The following PHACTR1 variants were observed in gnomAD, a reference collection of about 807,000 sequenced individuals.
PHACTR1 encodes RPEL repeat containing 1.
Under a neutral mutation model 69.2 loss-of-function variants are expected in PHACTR1, and 16 were observed. The observed-to-expected ratio is 0.23, with a 90% CI of 0.16 to 0.35. The LOEUF (loss-of-function observed/expected upper bound fraction) is 0.35, where lower values mean the gene tolerates loss of function less well. Ranked by LOEUF, PHACTR1 falls within the 10% of genes least tolerant of loss-of-function variation. The pLI is 1.00. For synonymous variants in PHACTR1, 312 were observed against 284.5 expected, an observed-to-expected ratio of 1.10 and a Z score of -0.97; for missense variants, 510 against 734.7, an observed-to-expected ratio of 0.69 and a Z score of 3.54.
intron 5 of PHACTR1, among the ~76,000 whole-genome samples, chr6:13,095,301 T>A (rs527758759): frequency 1.3e-5 from 2 of 152,338 alleles, no homozygotes; most frequent in East Asian, 3.9e-4. Flanking sequence ...GGCTATTAAT[T>A]CATAAAATAA....
chr6:13,050,858 C>T (rs1019650801), intron 4 of PHACTR1, among the ~76,000 whole-genome samples: 1 of 152,180 alleles, frequency 6.6e-6, no homozygotes, highest in Non-Finnish European at 1.5e-5. Flanking sequence ...TTCTTGCTTC[C>T]TGGTACTTTC....
At chr6:12,728,228 C>A (rs927536085) in intron 3 of PHACTR1, among the ~76,000 whole-genome samples, 2 of 151,928 alleles carry the variant, frequency 1.3e-5, no homozygotes, top group African/African-American at 4.8e-5. Context: ...CTGAGGCGGG[C>A]GGATTGCTTG....
chr6:13,110,831 G>A (rs1055823888), intron 5 of PHACTR1, among the ~76,000 whole-genome samples: 51 of 152,256 alleles, frequency 3.3e-4, no homozygotes, highest in African/African-American at 9.6e-4. Flanking sequence ...TTTTACAGTC[G>A]AAGGTCAGAT....
chr6:13,206,166 G>C (rs762447007), intron 8 of PHACTR1, 30 bp downstream of exon 8: 27 of 1,518,268 alleles, frequency 1.8e-5, no homozygotes, highest in Non-Finnish European at 1.8e-5. Flanking sequence ...GGGAGGACGG[G>C]AGGAGAGGGG....
At chr6:12,959,203 A>AAG (rs1792356573) in intron 4 of PHACTR1, among the ~76,000 whole-genome samples, 1 of 76,012 alleles carries the variant, frequency 1.3e-5, no homozygotes, top group Non-Finnish European at 2.4e-5. Flanking sequence ...AAAGAAAAGA[A>AAG]AAAAAAAAGA....
intron 4 of PHACTR1, among the ~76,000 whole-genome samples, chr6:12,905,128 G>A (rs750621206): frequency 2.6e-5 from 4 of 152,148 alleles, no homozygotes; most frequent in African/African-American, 9.7e-5. Context: ...ACCCCATGGA[G>A]CCTGGCTTAA....
chr6:12,882,710 C>G (rs546741581), intron 4 of PHACTR1, among the ~76,000 whole-genome samples: 7 of 152,292 alleles, frequency 4.6e-5, no homozygotes, highest in Middle Eastern at 3.4e-3. Flanking sequence ...CAAACCCTAT[C>G]GCCCTTCTGG....
At chr6:12,897,572 G>A (rs1033287166) in intron 4 of PHACTR1, among the ~76,000 whole-genome samples, 2 of 151,952 alleles carry the variant, frequency 1.3e-5, no homozygotes, top group African/African-American at 4.8e-5. Flanking sequence ...AATTTATAGC[G>A]TCCACTTCCT....
At chr6:13,264,475 T>A (rs1336789931) in intron 10 of PHACTR1, among the ~76,000 whole-genome samples, 14 of 152,330 alleles carry the variant, frequency 9.2e-5, no homozygotes, top group Admixed American at 2.0e-4. Context: ...TCCCAGCACT[T>A]TGGGAGGCTG....
intron 5 of PHACTR1, among the ~76,000 whole-genome samples, chr6:13,151,544 A>T (rs1480313678): frequency 6.6e-6 from 1 of 152,242 alleles, no homozygotes; most frequent in Non-Finnish European, 1.5e-5. Flanking sequence ...TTTGTATGCC[A>T]CAATGTGGGA....
At chr6:13,032,653 T>C (rs577797734) in intron 4 of PHACTR1, among the ~76,000 whole-genome samples, 1 of 152,286 alleles carries the variant, frequency 6.6e-6, no homozygotes, top group South Asian at 2.1e-4. Context: ...GGTCTAGCTC[T>C]GTTGCCAGGC....
chr6:12,748,328 G>C (rs753138322), intron 3 of PHACTR1, among the ~76,000 whole-genome samples: 5 of 152,202 alleles, frequency 3.3e-5, no homozygotes, highest in Non-Finnish European at 5.9e-5. Context: ...AGAACTGACC[G>C]CTGAAGTGGA....
At chr6:12,774,063 G>A (rs1055890096) in intron 4 of PHACTR1, among the ~76,000 whole-genome samples, 1 of 152,164 alleles carries the variant, frequency 6.6e-6, no homozygotes, top group Non-Finnish European at 1.5e-5. Flanking sequence ...ACAAATAAAG[G>A]TGTTCAACTG....
At chr6:13,193,367 A>ATATATATATATATATATG (rs1763885652) in intron 7 of PHACTR1, among the ~76,000 whole-genome samples, 1 of 103,606 alleles carries the variant, frequency 9.7e-6, no homozygotes, top group Non-Finnish European at 2.0e-5. Flanking sequence ...GTATATATAT[A>ATATATATATATATATATG]TATATATATA....
At chr6:13,132,937 A>G (rs1310855487) in intron 5 of PHACTR1, among the ~76,000 whole-genome samples, 1 of 152,096 alleles carries the variant, frequency 6.6e-6, no homozygotes, top group Non-Finnish European at 1.5e-5. Flanking sequence ...TTTTGGCACT[A>G]TGTGATGCTG....
At chr6:12,984,580 C>G (rs1248852772) in intron 4 of PHACTR1, among the ~76,000 whole-genome samples, 1 of 152,204 alleles carries the variant, frequency 6.6e-6, no homozygotes, top group Non-Finnish European at 1.5e-5. Context: ...TCTAAGTTAT[C>G]CCCTCTGGTG....
intron 5 of PHACTR1, among the ~76,000 whole-genome samples, chr6:13,156,396 A>G (rs1325178996): frequency 2.0e-5 from 3 of 152,230 alleles, no homozygotes; most frequent in Admixed American, 6.5e-5. Context: ...TAAAACAGAT[A>G]TATTATGTGA....
intron 3 of PHACTR1, among the ~76,000 whole-genome samples, chr6:12,733,294 C>G (rs908717956): frequency 6.6e-6 from 1 of 152,172 alleles, no homozygotes; most frequent in Non-Finnish European, 1.5e-5. Flanking sequence ...TTAGGGAAGA[C>G]AGGAAAAGCA....
chr6:12,882,495 A>C (rs1352480124), intron 4 of PHACTR1, among the ~76,000 whole-genome samples: 6 of 152,182 alleles, frequency 3.9e-5, no homozygotes, highest in Admixed American at 3.9e-4. Flanking sequence ...GAAGAAGAAG[A>C]ATGCCAACTA....
Sources: gnomAD v4.1 joint callset for allele counts (sites outside exome capture counted in the v4.1 genomes callset) on GRCh38, gnomAD v4.1.1 for gene constraint, MANE v1.5 for transcripts, NCBI Gene and HGNC (gene_info 2026-07-23, HGNC 2026-07-21) for gene names.